PCCA: variants seen among roughly 807,000 people sequenced by gnomAD.
PCCA encodes the protein propionyl-CoA carboxylase subunit alpha, also known as propionyl-CoA carboxylase alpha chain, mitochondrial.
A neutral mutation model predicts 101.3 loss-of-function variants in PCCA; 74 were observed. The observed-to-expected ratio is 0.73, with a 90% CI of 0.61 to 0.89. PCCA has a LOEUF of 0.89. Among genes scored for constraint, PCCA ranks in the 40% least tolerant of loss-of-function variants. PCCA has a pLI of 0.00. For synonymous variants in PCCA, 294 were observed against 313.6 expected (o/e 0.94, Z 0.66); for missense variants, 891 against 907.0 (o/e 0.98, Z 0.23).
intron 20 of PCCA, among the ~76,000 whole-genome samples, chr13:100,429,900 C>G (rs1409574972): frequency 6.6e-6 from 1 of 151,858 alleles, no homozygotes; most frequent in African/African-American, 2.4e-5. Flanking sequence ...AGCCATCACA[C>G]CCAGCCAAAA....
In PCCA at chr13:100,273,186, G is replaced by T; in HGVS notation, c.915-10G>T. On this transcript the variant is annotated splice_polypyrimidine_tract_variant and intron_variant, in intron 11 of 23. Transcript: ENST00000376285. ...CCGAAATGTAGACAAACATTTTTTT[G>T]TATATGTAGCATTTTTTTGGATGCG... 1 of 1,608,736 alleles carries T rather than the reference G, an allele frequency of 6.2e-7. No individual in the cohort carries two copies. The highest frequency in any genetic ancestry group is 8.5e-7 in the Non-Finnish European group (1 of 1,175,338).
At chr13:100,262,636 T>A (rs2062599863) in intron 9 of PCCA, 93 bp from the exon 10 acceptor site, 2 of 743,078 alleles carry the variant, frequency 2.7e-6, no homozygotes, top group South Asian at 3.0e-5. Flanking sequence ...GATAGCTCTA[T>A]TTGTTTTGTT....
intron 19 of PCCA, among the ~76,000 whole-genome samples, chr13:100,398,196 C>A (rs1181544740): frequency 6.6e-6 from 1 of 152,110 alleles, no homozygotes; most frequent in Non-Finnish European, 1.5e-5. Flanking sequence ...AAGCTCCGTG[C>A]CATTTTATTT....
intron 4 of PCCA, among the ~76,000 whole-genome samples, chr13:100,121,862 TG>T: frequency 6.6e-6 from 1 of 152,368 alleles, no homozygotes. Flanking sequence ...TATTCTTGCC[TG>T]ATTTCTCTGG....
At chr13:100,291,863 G>C (rs1045017115) in intron 12 of PCCA, among the ~76,000 whole-genome samples, 2 of 152,228 alleles carry the variant, frequency 1.3e-5, no homozygotes, top group African/African-American at 4.8e-5. Context: ...AAGCCAGTCT[G>C]TCTCCATGAT....
At position 100,476,061 on chromosome 13, in the gene PCCA, G is replaced by A. The variant is rs193051793; in HGVS notation, c.1899+26756G>A. 6.0e-4 allele frequency among the ~76,000 whole-genome samples: 92 copies of A among 152,256 alleles called. 1 individual carries two copies. Among genetic ancestry groups the A allele is most frequent in the Admixed American group, 9.8e-4 (15 of 15,302 alleles). On this transcript the variant is annotated intron_variant, in intron 21 of 23. Transcript: ENST00000376285. ...TTCTCAAATGAGATGATTTCGATAT[G>A]AAGCACAGAGTTCCTTTCATTTTCC...
chr13:100,417,729 CT>C (rs1358420454), intron 19 of PCCA, among the ~76,000 whole-genome samples: 1 of 152,126 alleles, frequency 6.6e-6, no homozygotes, highest in Non-Finnish European at 1.5e-5. Context: ...ACTGTGCCCC[CT>C]GTATTGCCCA....
intron 20 of PCCA, among the ~76,000 whole-genome samples, chr13:100,440,179 T>A (rs1595905540): frequency 1.3e-5 from 1 of 75,418 alleles, no homozygotes; most frequent in African/African-American, 9.9e-5. Flanking sequence ...TATATATATA[T>A]ATATATATAT....
chr13:100,284,111 C>G (rs1370282564), intron 12 of PCCA, among the ~76,000 whole-genome samples: 1 of 152,252 alleles, frequency 6.6e-6, no homozygotes, highest in Non-Finnish European at 1.5e-5. Context: ...ATCTCCTGTC[C>G]TGGATGACTG....
At chr13:100,331,933 G>GA (rs1555422823) in intron 17 of PCCA, among the ~76,000 whole-genome samples, 1 of 124,562 alleles carries the variant, frequency 8.0e-6, no homozygotes, top group Non-Finnish European at 1.7e-5. Flanking sequence ...GATTACTTTG[G>GA]ATTTTTTTTT....
intron 12 of PCCA, among the ~76,000 whole-genome samples, chr13:100,284,030 C>A (rs9518043): frequency 6.6e-6 from 1 of 151,848 alleles, no homozygotes; most frequent in Admixed American, 6.5e-5. Context: ...ACTGAGCCCC[C>A]GGTATGTTTA....
In PCCA at chr13:100,307,246, C is replaced by T; in HGVS notation, c.1339C>T (p.Pro447Ser). Residue 447 changes from proline (P) to serine (S), a missense_variant, in exon 15 of 24, where the codon CCT (proline) becomes TCT (serine). By Grantham distance (74) the Pro-to-Ser change is moderately conservative. Transcript: ENST00000376285. The part of the protein sequence containing the change: ...PGSDISIYYD[P>S]MISKLITYGS... ...AAGTGATATTAGCATTTATTATGAT[C>T]CTATGATTTCAAAAGTTAGTTTAAT... is the stretch of plus-strand genomic sequence containing the variant. 2.5e-6 allele frequency: 4 copies of T among 1,599,880 alleles called. No individual in the cohort carries two copies. Among genetic ancestry groups the T allele is most frequent in the Non-Finnish European group, 3.4e-6 (4 of 1,167,516 alleles).
chr13:100,442,565 T>G (rs1286995293), intron 20 of PCCA, among the ~76,000 whole-genome samples: 1 of 152,214 alleles, frequency 6.6e-6, no homozygotes, highest in Non-Finnish European at 1.5e-5. Context: ...AATATTGTTT[T>G]AGTGTCTCCT....
intron 7 of PCCA, among the ~76,000 whole-genome samples, chr13:100,229,863 C>T (rs1392757989): frequency 5.3e-5 from 8 of 152,164 alleles, no homozygotes; most frequent in East Asian, 1.9e-4. Flanking sequence ...TGTTTCTTTA[C>T]GGCACTGGGG....
At chr13:100,256,874 A>G (rs2062110013) in intron 8 of PCCA, among the ~76,000 whole-genome samples, 1 of 152,236 alleles carries the variant, frequency 6.6e-6, no homozygotes, top group Non-Finnish European at 1.5e-5. Context: ...TCTTGCTGTC[A>G]GAAGTTTTAC....
At chr13:100,469,762 A>G (rs2082848319) in intron 21 of PCCA, among the ~76,000 whole-genome samples, 1 of 151,704 alleles carries the variant, frequency 6.6e-6, no homozygotes, top group Non-Finnish European at 1.5e-5. Flanking sequence ...CCTGGGCGAC[A>G]GAGTTAGGCT....
chr13:100,236,002 T>A (rs1189568648), intron 8 of PCCA, 124 bp downstream of exon 8: 3 of 701,058 alleles, frequency 4.3e-6, no homozygotes, highest in Non-Finnish European at 7.9e-6. Flanking sequence ...TTTGATTACT[T>A]GTTGCTCTGG....
intron 18 of PCCA, among the ~76,000 whole-genome samples, chr13:100,341,975 A>ATATATATATATATATATGTG (rs1316743509): frequency 8.8e-6 from 1 of 113,284 alleles, no homozygotes; most frequent in Non-Finnish European, 1.9e-5. Flanking sequence ...ATATATATAT[A>ATATATATATATATATATGTG]TATATATGTA....
chr13:100,134,985 T>A (rs1167748038), intron 4 of PCCA, among the ~76,000 whole-genome samples: 2 of 149,958 alleles, frequency 1.3e-5, no homozygotes, highest in African/African-American at 4.9e-5. Context: ...CAAGTGATCC[T>A]CCCACCACAG....
Sources: gnomAD v4.1 joint callset for allele counts (sites outside exome capture counted in the v4.1 genomes callset) on GRCh38, gnomAD v4.1.1 for gene constraint, MANE v1.5 for transcripts, NCBI Gene and HGNC (gene_info 2026-07-23, HGNC 2026-07-21) for gene names.